The following PRKCH variants were observed in gnomAD, a reference collection of about 807,000 sequenced individuals.
PRKCH encodes protein kinase C eta type.
PRKCH carries 28 observed loss-of-function variants against 82.5 expected under a neutral mutation model. That is an observed-to-expected ratio of 0.34 (90% CI 0.25 to 0.47). The LOEUF (loss-of-function observed/expected upper bound fraction) is 0.47. PRKCH is among the 20% of genes least tolerant of loss of function. The pLI, the probability that PRKCH is intolerant of heterozygous loss-of-function variation, is 1.00. For missense variants in PRKCH, 705 were observed against 881.8 expected (o/e 0.80, Z 2.54); for synonymous variants, 322 against 327.4 (o/e 0.98, Z 0.18).
At chr14:61,441,947 G>C (rs1021652597) in intron 2 of PRKCH, among the ~76,000 whole-genome samples, 1 of 151,688 alleles carries the variant, frequency 6.6e-6, no homozygotes, top group African/African-American at 2.4e-5. Flanking sequence ...ACTGTACCCG[G>C]CCAAGTTTTA....
At chr14:61,474,985 C>G (rs576204100) in intron 9 of PRKCH, among the ~76,000 whole-genome samples, 3 of 152,218 alleles carry the variant, frequency 2.0e-5, no homozygotes, top group African/African-American at 7.2e-5. Context: ...CTCTACTTCT[C>G]TAACTGGGCA....
chr14:61,462,401 G>GA (rs367545654), intron 9 of PRKCH, among the ~76,000 whole-genome samples: 5 of 151,770 alleles, frequency 3.3e-5, no homozygotes, highest in Admixed American at 1.3e-4. Flanking sequence ...AAAAAGAAAA[G>GA]AAAAAAAAGC....
At position 61,391,562 on chromosome 14, in the gene PRKCH, T is replaced by A. The variant is rs550891068; in HGVS notation, c.427+274T>A. On this transcript the variant is annotated intron_variant, in intron 2 of 13. Transcript: ENST00000332981. ...AGCCAGTGTCATCGTAGCTGAATGGTTTTTGCGTCTTTTTGGTTCATGACT... is the reference window on the plus strand; with the variant it reads ...AGCCAGTGTCATCGTAGCTGAATGGATTTTGCGTCTTTTTGGTTCATGACT... Among the ~76,000 whole-genome samples the A allele has an allele frequency of 7.9e-5, 12 of 151,682 alleles. No homozygotes were observed. The South Asian group carries it at 1.9e-3, about 24-fold the overall frequency.
chr14:61,519,346 T>C (rs892111334), intron 10 of PRKCH, among the ~76,000 whole-genome samples: 2 of 151,864 alleles, frequency 1.3e-5, no homozygotes, highest in African/African-American at 4.8e-5. Context: ...AGAGACAGGG[T>C]CTCACTATGT....
chr14:61,376,812 C>A (rs528532988), intron 1 of PRKCH, among the ~76,000 whole-genome samples: 3 of 152,352 alleles, frequency 2.0e-5, no homozygotes, highest in South Asian at 4.1e-4. Flanking sequence ...TCGTCCATTG[C>A]ATTTCTAGCT....
At chr14:61,238,361 T>A (rs11158330) in intron 1 of PRKCH, among the ~76,000 whole-genome samples, 134,706 of 152,172 alleles carry the variant, frequency 0.89, 60,156 homozygotes, top group Non-Finnish European at 0.95. Context: ...GTCAATCTTT[T>A]TCTTGATTAA....
chr14:61,385,446 G>C (rs2046573368), intron 1 of PRKCH, among the ~76,000 whole-genome samples: 1 of 152,188 alleles, frequency 6.6e-6, no homozygotes, highest in South Asian at 2.1e-4. Context: ...GGGAAGCAAA[G>C]CCTTATGGCA....
chr14:61,549,728 A>C lies in PRKCH; in HGVS notation c.1949A>C (p.Lys650Thr). The C allele has an allele frequency of 6.2e-7, 1 of 1,613,936 alleles. No individual in the cohort carries two copies. The highest frequency in any genetic ancestry group is 1.1e-5 in the South Asian group (1 of 91,076). ...DVSNFDPDFI[K>T]EEPVLTPIDE... ...AGTAATTTTGACCCTGACTTCATAA[A>C]GGAAGAGCCAGTTTTAACTCCAATT... is the stretch of plus-strand genomic sequence containing the variant. The change falls in exon 14 of 14, where the codon AAG becomes ACG. Residue 650 changes from lysine to threonine, a missense_variant. Around this residue, in one of 5 missense-constraint regions of PRKCH, gnomAD observed 91 missense variants for 81.2 expected, o/e 1.12. Coordinates refer to ENST00000332981, the MANE Select transcript of PRKCH (RefSeq NM_006255.5).
At chr14:61,298,914 A>G (rs539819614) in intron 1 of PRKCH, 2 of 152,316 alleles carry the variant, frequency 1.3e-5, no homozygotes, top group African/African-American at 4.8e-5. Flanking sequence ...CTTTATAGCA[A>G]GAATGAAAGG....
In PRKCH at chr14:61,550,645, A is replaced by G. The variant is rs1467659831; in HGVS notation, c.*814A>G. ...TGTCTGCACATAACTCTTTTTTCAC[A>G]AGAAGGGTCACTGCCACAACAGCAC... is the stretch of plus-strand genomic sequence containing the variant. On this transcript the variant is annotated 3_prime_UTR_variant, in exon 14 of 14. Coordinates refer to ENST00000332981, the MANE Select transcript of PRKCH (RefSeq NM_006255.5). The G allele has an allele frequency of 6.6e-6, 1 of 152,590 alleles. No homozygotes were observed. The highest frequency in any genetic ancestry group is 1.5e-5 in the Non-Finnish European group (1 of 68,036). The allele number at this position is 152,590 out of a possible 1,614,324, so 9.5% of individuals were successfully genotyped here. A position where few individuals can be genotyped will look rare whatever the true frequency, so the allele number is the denominator to read the frequency against.
intron 1 of PRKCH, among the ~76,000 whole-genome samples, chr14:61,243,660 G>C (rs940238624): frequency 6.6e-6 from 1 of 152,086 alleles, no homozygotes; most frequent in Admixed American, 6.5e-5. Flanking sequence ...ACAGAATATA[G>C]TAACAGAGAG....
intron 2 of PRKCH, among the ~76,000 whole-genome samples, chr14:61,423,617 G>A (rs1248215127): frequency 2.6e-5 from 4 of 152,146 alleles, no homozygotes; most frequent in African/African-American, 7.2e-5. Context: ...GGCAGGAGAT[G>A]GGCTATGAAT....
rs899069708 is a variant in PRKCH at position 61,315,115 on chromosome 14, A to G, written c.-19+127447A>G. ...TTTCTGTTCTTTTTGTCCCATGAGG[A>G]GGACAGTATGGCCCCACTTATTTAG... On this transcript the variant is annotated intron_variant, in intron 1 of 3. Coordinates refer to the PRKCH transcript ENST00000555185. Among the ~76,000 whole-genome samples the G allele has an allele frequency of 2.6e-5, 4 of 152,240 alleles. 1 individual carries two copies. In the South Asian group the frequency reaches 8.3e-4, roughly 32 times the overall value.
At chr14:61,188,614 GTGT>G (rs1172748147) in intron 1 of PRKCH, among the ~76,000 whole-genome samples, 2 of 21,130 alleles carry the variant, frequency 9.5e-5, no homozygotes, top group South Asian at 2.0e-3. Flanking sequence ...GTGGTGTGGT[GTGT>G]GTGTGTGTGT....
At chr14:61,314,705 C>T (rs558006021) in intron 1 of PRKCH, among the ~76,000 whole-genome samples, 8 of 152,328 alleles carry the variant, frequency 5.3e-5, no homozygotes, top group African/African-American at 1.9e-4. Flanking sequence ...GGGCGAGAAG[C>T]TCTCCCTGTC....
intron 3 of PRKCH, 54 bp from the exon 4 acceptor site, chr14:61,445,638 A>C: frequency 6.7e-7 from 1 of 1,503,114 alleles, no homozygotes; most frequent in Non-Finnish European, 9.3e-7. Context: ...TAAGGACTAT[A>C]AGAGGGTTAT....
chr14:61,231,387 G>C lies in PRKCH; in HGVS notation c.-19+43719G>C, dbSNP rs113786297. Among the ~76,000 whole-genome samples, 3 of 124,646 alleles carry C rather than the reference G, an allele frequency of 2.4e-5. No individual in the cohort carries two copies. In the South Asian group the frequency reaches 7.5e-4, roughly 31 times the overall value. The allele number at this position is 124,646 out of a possible 152,430, so 81.8% of individuals were successfully genotyped here. A position where few individuals can be genotyped will look rare whatever the true frequency, so the allele number is the denominator to read the frequency against. On this transcript the variant is annotated intron_variant, in intron 1 of 3. Coordinates refer to the PRKCH transcript ENST00000555185. ...ATTTTTTTTTTTTTTTTTTGAGACA[G>C]AGTCTCACTCTGTCACCCAGGCTGG...
At chr14:61,238,325 T>C (rs561172874) in intron 1 of PRKCH, among the ~76,000 whole-genome samples, 3 of 152,282 alleles carry the variant, frequency 2.0e-5, no homozygotes, top group Admixed American at 1.3e-4. Flanking sequence ...TGACAGGAGA[T>C]TGAGCCAAGG....
chr14:61,293,361 G>C (rs1308188207), intron 1 of PRKCH, among the ~76,000 whole-genome samples: 1 of 152,182 alleles, frequency 6.6e-6, no homozygotes. Flanking sequence ...CAGCAACAAA[G>C]TACAGGCTTC....
Sources: gnomAD v4.1 joint callset for allele counts (sites outside exome capture counted in the v4.1 genomes callset) on GRCh38, gnomAD v4.1.1 for gene constraint, gnomAD v4.1.1 regional missense constraint, MANE v1.5 for transcripts, NCBI Gene and HGNC (gene_info 2026-07-23, HGNC 2026-07-21) for gene names.